Variants in NRXN1 observed in about 807,000 individuals in gnomAD.
The protein encoded by NRXN1 is neurexin 1, also known as neurexin-1.
Under a neutral mutation model 150.9 loss-of-function variants are expected in NRXN1, and 39 were observed. The ratio of observed to expected loss-of-function variants is 0.26; its 90% CI spans 0.20 to 0.34. The LOEUF is 0.34. NRXN1 is among the 10% of genes least tolerant of loss of function. The pLI is 1.00. For missense variants in NRXN1, 1,815 were observed against 1,949.9 expected, an observed-to-expected ratio of 0.93 and a Z score of 1.30; for synonymous variants, 924 against 757.0, an observed-to-expected ratio of 1.22 and a Z score of -3.62.
chr2:50,582,255 C>T (rs771376037), intron 8 of NRXN1, among the ~76,000 whole-genome samples: 1 of 151,830 alleles, frequency 6.6e-6, no homozygotes, highest in East Asian at 1.9e-4. Context: ...CTTTGCAGGG[C>T]ACAAGGGCTC....
At chr2:50,587,322 T>C (rs1229614415) in intron 8 of NRXN1, among the ~76,000 whole-genome samples, 1 of 152,294 alleles carries the variant, frequency 6.6e-6, no homozygotes, top group Non-Finnish European at 1.5e-5. Context: ...CCGTCTCCAC[T>C]AAAAATACAA....
intron 8 of NRXN1, among the ~76,000 whole-genome samples, chr2:50,559,143 T>C (rs950651021): frequency 1.3e-5 from 2 of 152,112 alleles, no homozygotes; most frequent in Admixed American, 1.3e-4. Flanking sequence ...GTACCAGAAT[T>C]TAATTATCAT....
intron 5 of NRXN1, among the ~76,000 whole-genome samples, chr2:50,768,834 C>G (rs941962070): frequency 6.6e-6 from 1 of 151,768 alleles, no homozygotes; most frequent in African/African-American, 2.4e-5. Flanking sequence ...ATCCACTCCC[C>G]CCATCAATTT....
chr2:50,738,732 C>T (rs1013357393), intron 5 of NRXN1, among the ~76,000 whole-genome samples: 1 of 152,088 alleles, frequency 6.6e-6, no homozygotes, highest in East Asian at 1.9e-4. Context: ...TAAAGAAAGG[C>T]CTTGAGGCTC....
intron 17 of NRXN1, among the ~76,000 whole-genome samples, chr2:50,455,515 AG>A (rs1156833010): frequency 6.6e-6 from 1 of 152,202 alleles, no homozygotes; most frequent in Non-Finnish European, 1.5e-5. Context: ...TTTGATTTAC[AG>A]AATTACTGTC....
At position 50,530,804 on chromosome 2, in the gene NRXN1, T is replaced by A. The variant is rs542339996; in HGVS notation, c.2347+423A>T. On this transcript the variant is annotated intron_variant, in intron 11 of 22. Transcript: ENST00000401669. The stretch of plus-strand genomic sequence containing the variant: ...GAGTAAGAACAGCTCTTGATCTAGA[T>A]AACAAAGCAGAAATTTGATATTTTG... 7.2e-5 allele frequency among the ~76,000 whole-genome samples: 11 copies of A among 152,312 alleles called. No homozygotes were observed. In the East Asian group the frequency reaches 1.9e-3, roughly 27 times the overall value.
chr2:50,489,326 T>G (rs774256814), intron 15 of NRXN1, among the ~76,000 whole-genome samples: 11 of 151,916 alleles, frequency 7.2e-5, no homozygotes, highest in Non-Finnish European at 1.5e-4. Context: ...AAAAGCAGAG[T>G]CAATAGGTGG....
intron 17 of NRXN1, among the ~76,000 whole-genome samples, chr2:50,424,133 AGG>A (rs2084250826): frequency 9.4e-6 from 1 of 106,740 alleles, no homozygotes; most frequent in Non-Finnish European, 1.8e-5. Context: ...GAGGCGGAGG[AGG>A]AGGAGGAGGG....
chr2:49,966,306 G>T (rs1358631370), intron 21 of NRXN1, among the ~76,000 whole-genome samples: 1 of 152,040 alleles, frequency 6.6e-6, no homozygotes, highest in African/African-American at 2.4e-5. Context: ...ATGAGCATCT[G>T]TATTCTTCAT....
At chr2:50,323,912 C>A (rs540301774) in intron 17 of NRXN1, among the ~76,000 whole-genome samples, 10 of 152,036 alleles carry the variant, frequency 6.6e-5, no homozygotes, top group African/African-American at 9.7e-5. Context: ...GGGTACCAAC[C>A]GCCAGAAACA....
chr2:50,613,896 C>A (rs958773511), intron 8 of NRXN1, among the ~76,000 whole-genome samples: 8 of 152,150 alleles, frequency 5.3e-5, no homozygotes, highest in African/African-American at 1.7e-4. Context: ...CAAGATCATG[C>A]CACTGCACTC....
intron 17 of NRXN1, among the ~76,000 whole-genome samples, chr2:50,335,654 C>T (rs1360829024): frequency 4.6e-5 from 7 of 152,192 alleles, no homozygotes; most frequent in Non-Finnish European, 1.0e-4. Context: ...TGCAGGTGTC[C>T]TGGTTTAACT....
chr2:50,611,770 T>C (rs1316593725), intron 8 of NRXN1, among the ~76,000 whole-genome samples: 1 of 152,136 alleles, frequency 6.6e-6, no homozygotes, highest in African/African-American at 2.4e-5. Flanking sequence ...GGAGGAAAAG[T>C]GTGCAGGCTG....
At position 50,134,555 on chromosome 2, in the gene NRXN1, C is replaced by A. The variant is rs893657827; in HGVS notation, c.3547-43061G>T. On this transcript the variant is annotated intron_variant, in intron 18 of 22. Transcript: ENST00000401669. ...ATTCAGGTTAAGTGCTGATCAATAA[C>A]CTGGAAATCAAAAGAACCGATCACA... Among the ~76,000 whole-genome samples, 4 of 152,112 alleles carry A rather than the reference C, an allele frequency of 2.6e-5. No individual in the cohort carries two copies. The South Asian group carries it at 6.2e-4, about 24-fold the overall frequency.
chr2:50,479,295 T>C (rs2090247704), intron 15 of NRXN1, among the ~76,000 whole-genome samples: 1 of 152,156 alleles, frequency 6.6e-6, no homozygotes, highest in African/African-American at 2.4e-5. Context: ...ATACAATACT[T>C]CCAGCATGAA....
chr2:50,337,083 CTTTT>C (rs768582035), intron 17 of NRXN1, among the ~76,000 whole-genome samples: 1 of 133,078 alleles, frequency 7.5e-6, no homozygotes. Flanking sequence ...TTTTCTTTTT[CTTTT>C]TTTTTTTTTT....
intron 18 of NRXN1, among the ~76,000 whole-genome samples, chr2:50,217,047 G>A (rs1217752360): frequency 2.6e-5 from 4 of 152,006 alleles, no homozygotes; most frequent in Admixed American, 6.6e-5. Context: ...ATGTTTCTGT[G>A]ATCGTGGTAA....
intron 21 of NRXN1, among the ~76,000 whole-genome samples, chr2:50,001,194 T>C (rs6706472): frequency 0.36 from 55,425 of 152,036 alleles, 10,564 homozygotes; most frequent in East Asian, 0.5. Context: ...CAGATTTCAG[T>C]GTCCTTATCA....
intron 5 of NRXN1, among the ~76,000 whole-genome samples, chr2:50,891,885 C>T (rs1327182044): frequency 1.3e-5 from 2 of 152,038 alleles, no homozygotes; most frequent in Admixed American, 6.6e-5. Context: ...CATTAATTCA[C>T]TGAATTGATA....
Sources: allele counts gnomAD v4.1 joint callset (sites outside exome capture counted in the v4.1 genomes callset), GRCh38; gene constraint gnomAD v4.1.1; transcripts MANE v1.5; gene names NCBI Gene and HGNC (gene_info 2026-07-23, HGNC 2026-07-21).